XG: variants seen among roughly 807,000 people sequenced by gnomAD.
The protein encoded by XG is Xg glycoprotein (Xg blood group), also known as glycoprotein Xg.
A neutral mutation model predicts 25.7 loss-of-function variants in XG; 24 were observed. The observed-to-expected ratio is 0.93, with a 90% confidence interval of 0.68 to 1.31. The LOEUF (loss-of-function observed/expected upper bound fraction) is 1.31. XG is among the 40% of genes most tolerant of loss of function. XG has a pLI of 0.00. For synonymous variants in XG, 77 were observed against 69.2 expected, an observed-to-expected ratio of 1.11 and a Z score of -0.56; for missense variants, 181 against 187.6, an observed-to-expected ratio of 0.96 and a Z score of 0.21.
chrX:2,778,358 C>T (rs142822733), intron 3 of XG, among the ~76,000 whole-genome samples: 1,581 of 152,188 alleles, frequency 0.01, 30 homozygotes, highest in African/African-American at 0.036. Context: ...GCCTGGACAA[C>T]ATAGTGAGAC....
At chrX:2,805,632 T>TG (rs1351551588) in intron 7 of XG, among the ~76,000 whole-genome samples, 1 of 110,311 alleles carries the variant, frequency 9.1e-6, no homozygotes, top group Non-Finnish European at 1.9e-5. Flanking sequence ...GATCAAGGTG[T>TG]GAGCAGGGCT....
Position 2,757,464 on chromosome X carries a change from A to G in XG, c.61+5129A>G, listed in dbSNP as rs1440413970. 2.6e-5 allele frequency among the ~76,000 whole-genome samples: 4 copies of G among 151,762 alleles called. No individual in the cohort carries two copies. The East Asian group carries it at 7.7e-4, about 29-fold the overall frequency. ...CCTCCTGTCCGTATCAACATGACTT[A>G]AAATGTGTGTGCATTTGTATAGAGC... On this transcript the variant is annotated intron_variant, in intron 1 of 10. Coordinates refer to ENST00000644266, the MANE Select transcript of XG (RefSeq NM_001141919.2).
chrX:2,787,965 C>T (rs1370666699), intron 4 of XG, among the ~76,000 whole-genome samples: 1 of 106,390 alleles, frequency 9.4e-6, no homozygotes, highest in African/African-American at 3.5e-5. Flanking sequence ...TGCCTGTAGT[C>T]CTAGCTATAC....
At chrX:2,773,854 G>A (rs920571383) in intron 2 of XG, among the ~76,000 whole-genome samples, 1 of 150,920 alleles carries the variant, frequency 6.6e-6, no homozygotes, top group Non-Finnish European at 1.5e-5. Context: ...AAGGAAGGAA[G>A]AAGGGAGGGC....
chrX:2,759,596 AAG>A (rs1345649675), intron 1 of XG, among the ~76,000 whole-genome samples: 1 of 152,162 alleles, frequency 6.6e-6, no homozygotes, highest in Non-Finnish European at 1.5e-5. Context: ...TGTGCAGAAA[AAG>A]TCTATGGCTG....
chrX:2,783,006 A>C (rs1220318282), intron 4 of XG, among the ~76,000 whole-genome samples: 1 of 111,538 alleles, frequency 9.0e-6, no homozygotes, highest in Non-Finnish European at 1.9e-5. Flanking sequence ...GTTAGAAGCA[A>C]GATGGAGTTG....
At chrX:2,796,177 G>A (rs965018294) in intron 6 of XG, among the ~76,000 whole-genome samples, 2 of 103,766 alleles carry the variant, frequency 1.9e-5, no homozygotes, top group African/African-American at 7.0e-5. Flanking sequence ...TTTTATATAT[G>A]CATATGTATA....
At chrX:2,782,010 C>T in intron 3 of XG, 56 bp from the exon 4 acceptor site, 1 of 1,139,381 alleles carries the variant, frequency 8.8e-7, no homozygotes, top group South Asian at 1.8e-5. Flanking sequence ...CTGCAGCCTG[C>T]TCCTAAGGGA....
At chrX:2,802,427 G>T (rs773208566) in intron 7 of XG, among the ~76,000 whole-genome samples, 1 of 111,781 alleles carries the variant, frequency 8.9e-6, no homozygotes, top group African/African-American at 3.3e-5. Context: ...AAAGAGCTGG[G>T]ATTACGGGCA....
At chrX:2,778,304 A>C (rs749032331) in intron 3 of XG, among the ~76,000 whole-genome samples, 3 of 152,334 alleles carry the variant, frequency 2.0e-5, no homozygotes, top group African/African-American at 7.2e-5. Flanking sequence ...GAACTTTGGG[A>C]GGCTGAGACT....
chrX:2,808,256 A>T, intron 9 of XG, 36 bp downstream of exon 9: 1 of 1,202,680 alleles, frequency 8.3e-7, no homozygotes, highest in South Asian at 1.8e-5. Context: ...AACCTTTAAT[A>T]AGAGCACACT....
At chrX:2,788,197 A>G (rs978999832) in intron 4 of XG, among the ~76,000 whole-genome samples, 1 of 112,551 alleles carries the variant, frequency 8.9e-6, no homozygotes, top group African/African-American at 3.2e-5. Context: ...GGACTTTGAG[A>G]ACAGCATCCT....
In XG at chrX:2,752,405, C is replaced by G. The variant is rs180882668; in HGVS notation, c.61+70C>G. On this transcript the variant is annotated intron_variant, in intron 1 of 10. Coordinates refer to ENST00000644266, the MANE Select transcript of XG (RefSeq NM_001141919.2). ...TTTTCTATTCTTGCTTTAAGAAACT[C>G]TTTCCAAAGGAGTTGCTATGAAGTG... is the stretch of plus-strand genomic sequence containing the variant. 1,466 of 1,608,868 alleles carry G rather than the reference C, an allele frequency of 9.1e-4. 15 individuals carry two copies. In the African/African-American group the frequency reaches 0.017, roughly 19 times the overall value.
At chrX:2,766,453 C>G (rs2050692064) in intron 1 of XG, among the ~76,000 whole-genome samples, 1 of 149,640 alleles carries the variant, frequency 6.7e-6, no homozygotes, top group South Asian at 2.1e-4. Context: ...CTTGGCCTCT[C>G]TGAACAGTGC....
intron 4 of XG, among the ~76,000 whole-genome samples, chrX:2,787,893 G>A (rs1237245947): frequency 3.9e-5 from 3 of 76,790 alleles, no homozygotes; most frequent in Non-Finnish European, 6.9e-5. Context: ...GGCAACAACA[G>A]CAAAACTCCT....
intron 1 of XG, among the ~76,000 whole-genome samples, chrX:2,763,863 T>C (rs1349722104): frequency 2.0e-5 from 3 of 152,128 alleles, no homozygotes; most frequent in African/African-American, 7.2e-5. Context: ...TCGGCTTTAC[T>C]GCACAGGGCC....
chrX:2,759,851 G>A (rs1029625684), intron 1 of XG, among the ~76,000 whole-genome samples: 1 of 152,208 alleles, frequency 6.6e-6, no homozygotes, highest in Non-Finnish European at 1.5e-5. Flanking sequence ...ATGGATCAGG[G>A]GCCAGAGGCA....
intron 4 of XG, among the ~76,000 whole-genome samples, chrX:2,782,642 G>A (rs1386185964): frequency 2.7e-5 from 3 of 110,933 alleles, no homozygotes; most frequent in African/African-American, 9.9e-5. Context: ...GGTGGATGGC[G>A]GACCTGGTTG....
intron 8 of XG, among the ~76,000 whole-genome samples, chrX:2,807,859 T>C (rs746822210): frequency 8.9e-6 from 1 of 111,904 alleles, no homozygotes; most frequent in South Asian, 3.8e-4. Context: ...ATGGCGTGCG[T>C]GTGTGCATGT....
Sources: gnomAD v4.1 joint callset for allele counts (sites outside exome capture counted in the v4.1 genomes callset) on GRCh38, gnomAD v4.1.1 for gene constraint, MANE v1.5 for transcripts, NCBI Gene and HGNC (gene_info 2026-07-23, HGNC 2026-07-21) for gene names.